MME: variants seen among roughly 807,000 people sequenced by gnomAD.
MME encodes membrane metalloendopeptidase, also known as neprilysin.
MME carries 98 observed loss-of-function variants against 113.2 expected under a neutral mutation model. The ratio of observed to expected loss-of-function variants is 0.87; its 90% CI spans 0.74 to 1.02. MME has a LOEUF of 1.02. MME is among the 50% of genes least tolerant of loss of function. The probability of loss-of-function intolerance (pLI) is 0.00; values close to 1 mark genes in which losing one functional copy is unlikely to be tolerated. For missense variants in MME, 836 were observed against 896.0 expected, an observed-to-expected ratio of 0.93 and a Z score of 0.86; for synonymous variants, 292 against 300.6, an observed-to-expected ratio of 0.97 and a Z score of 0.30.
At chr3:155,164,719 G>A (rs904534110) in intron 17 of MME, among the ~76,000 whole-genome samples, 2 of 152,102 alleles carry the variant, frequency 1.3e-5, no homozygotes, top group African/African-American at 4.8e-5. Context: ...ACTTAATAAA[G>A]TACTGCACAT....
At chr3:155,136,740 G>GC (rs1720667049) in intron 8 of MME, among the ~76,000 whole-genome samples, 1 of 152,186 alleles carries the variant, frequency 6.6e-6, no homozygotes, top group South Asian at 2.1e-4. Flanking sequence ...CACTCACAGT[G>GC]AATATATGGA....
At chr3:155,137,912 C>G (rs1404259192) in intron 8 of MME, among the ~76,000 whole-genome samples, 190 bp from the exon 9 acceptor site, 1 of 142,958 alleles carries the variant, frequency 7.0e-6, no homozygotes, top group Non-Finnish European at 1.6e-5. Flanking sequence ...CTCCTTTAAG[C>G]TCTTATTCAA....
intron 3 of MME, among the ~76,000 whole-genome samples, chr3:155,101,820 A>G (rs1717255409): frequency 6.6e-6 from 1 of 152,088 alleles, no homozygotes; most frequent in Non-Finnish European, 1.5e-5. Flanking sequence ...CTAAACCGGG[A>G]TTCAGTCTCA....
Position 155,182,880 on chromosome 3 carries a change from A to G in MME, c.*2421A>G, listed in dbSNP as rs201427073. The G allele has an allele frequency of 1.3e-5, 2 of 152,250 alleles. No homozygotes were observed. 9.4% of individuals were successfully genotyped at this position (152,250 alleles called of 1,614,324 possible). A position where few individuals can be genotyped will look rare whatever the true frequency, so the allele number is the denominator to read the frequency against. ...CACATCCAGACATCATGAATTTTAC[A>G]TGGTACTCTTGTTGAGTTCTGTAGA... On this transcript the variant is annotated 3_prime_UTR_variant, in exon 23 of 23. Transcript: ENST00000360490.
chr3:155,113,700 G>T (rs1718370769), intron 3 of MME, among the ~76,000 whole-genome samples: 1 of 152,134 alleles, frequency 6.6e-6, no homozygotes, highest in African/African-American at 2.4e-5. Flanking sequence ...AGTCAAAAAG[G>T]AATGATGATA....
chr3:155,163,012 CAAAAAAAA>C (rs57700088), intron 17 of MME, among the ~76,000 whole-genome samples: 1 of 78,290 alleles, frequency 1.3e-5, no homozygotes, highest in Admixed American at 1.5e-4. Flanking sequence ...AACTCTGTCT[CAAAAAAAA>C]AAAAAAAAAA....
At chr3:155,128,988 A>G (rs1390940917) in intron 8 of MME, among the ~76,000 whole-genome samples, 1 of 152,146 alleles carries the variant, frequency 6.6e-6, no homozygotes, top group African/African-American at 2.4e-5. Context: ...TTCAATCCCC[A>G]GTTACTTCTT....
chr3:155,079,566 C>T (rs1714924443), upstream of MME: 1 of 147,526 alleles, frequency 6.8e-6, no homozygotes, highest in Non-Finnish European at 1.5e-5. Context: ...CTAGCGGAAA[C>T]CTTCAGGTCA....
At chr3:155,163,599 C>T (rs1722870347) in intron 17 of MME, among the ~76,000 whole-genome samples, 1 of 152,258 alleles carries the variant, frequency 6.6e-6, no homozygotes, top group South Asian at 2.1e-4. Context: ...CTTATTAAAC[C>T]TTAAAATCGC....
At chr3:155,110,492 G>A (rs1488840015) in intron 3 of MME, among the ~76,000 whole-genome samples, 1 of 152,184 alleles carries the variant, frequency 6.6e-6, no homozygotes, top group Non-Finnish European at 1.5e-5. Flanking sequence ...TTCCCAGATG[G>A]TAGTTGAACT....
chr3:155,092,732 GAGTGAAATAAGCC>G (rs1457413181), intron 3 of MME, among the ~76,000 whole-genome samples: 11 of 152,014 alleles, frequency 7.2e-5, no homozygotes, highest in African/African-American at 2.2e-4. Flanking sequence ...ACATTATGCT[GAGTGAAATAAGCC>G]AGACACAAAC....
Position 155,142,001 on chromosome 3 carries a change from G to T in MME, c.968G>T (p.Trp323Leu). The T allele has an allele frequency of 1.2e-6, 2 of 1,613,558 alleles. No individual in the cohort carries two copies. The highest frequency in any genetic ancestry group is 1.7e-6 in the Non-Finnish European group (2 of 1,179,692). ...SLEINGKPFS[W>L]LNFTNEIMST... ...CCTGCTTTTTTCCAGCCATTCAGCT[G>T]GTTGAATTTCACAAATGAAATCATG... The change falls in exon 11 of 23, where the codon TGG (tryptophan) becomes TTG (leucine). Residue 323 changes from tryptophan (W) to leucine (L), a missense_variant. Trp to Leu is a moderately conservative substitution (Grantham distance 61). Transcript: ENST00000360490.
At chr3:155,042,065 T>G (rs1311659239) in intron 1 of MME, among the ~76,000 whole-genome samples, 1 of 152,156 alleles carries the variant, frequency 6.6e-6, no homozygotes, top group Non-Finnish European at 1.5e-5. Context: ...ATATTTCAAT[T>G]TAGGGTTTTA....
intron 16 of MME, among the ~76,000 whole-genome samples, chr3:155,149,699 TTGA>T (rs781526250): frequency 6.6e-6 from 1 of 151,770 alleles, no homozygotes; most frequent in Non-Finnish European, 1.5e-5. Context: ...GTGGGCTTAT[TTGA>T]TGATAAGACT....
chr3:155,173,659 T>C (rs1042225889), intron 22 of MME, among the ~76,000 whole-genome samples: 7 of 152,004 alleles, frequency 4.6e-5, no homozygotes, highest in African/African-American at 1.4e-4. Flanking sequence ...GCTTATGGTA[T>C]GCCTATTATC....
chr3:155,117,278 T>C (rs1718703475), intron 7 of MME, among the ~76,000 whole-genome samples: 1 of 152,188 alleles, frequency 6.6e-6, no homozygotes, highest in African/African-American at 2.4e-5. Context: ...CAGAAAAAGT[T>C]CCTAATTTCT....
intron 1 of MME, among the ~76,000 whole-genome samples, chr3:155,083,192 A>G (rs957732586): frequency 1.3e-5 from 2 of 152,210 alleles, no homozygotes; most frequent in African/African-American, 4.8e-5. Flanking sequence ...TTTATTTTGA[A>G]CAGTGACCAA....
chr3:155,133,310 G>C (rs536381162), intron 8 of MME, among the ~76,000 whole-genome samples: 1 of 151,476 alleles, frequency 6.6e-6, no homozygotes, highest in South Asian at 2.1e-4. Flanking sequence ...TAGTTACCAG[G>C]TAATGGAATT....
At chr3:155,174,009 G>T (rs1309837409) in intron 22 of MME, among the ~76,000 whole-genome samples, 1 of 151,996 alleles carries the variant, frequency 6.6e-6, no homozygotes, top group African/African-American at 2.4e-5. Flanking sequence ...GTGTGTGTTT[G>T]AAAGTCCATA....
Sources: gnomAD v4.1 joint callset for allele counts (sites outside exome capture counted in the v4.1 genomes callset) on GRCh38, gnomAD v4.1.1 for gene constraint, MANE v1.5 for transcripts, NCBI Gene and HGNC (gene_info 2026-07-23, HGNC 2026-07-21) for gene names.